MGAT1: variants seen among roughly 807,000 people sequenced by gnomAD.
MGAT1 encodes alpha-1,3-mannosyl-glycoprotein 2-beta-N-acetylglucosaminyltransferase.
MGAT1 carries 14 observed loss-of-function variants against 31.7 expected under a neutral mutation model. The ratio of observed to expected loss-of-function variants is 0.44; its 90% CI spans 0.29 to 0.69. The LOEUF (loss-of-function observed/expected upper bound fraction) is 0.69. Ranked by LOEUF, MGAT1 falls within the 30% of genes least tolerant of loss-of-function variation. MGAT1 has a pLI of 0.12. For missense variants in MGAT1, 557 were observed against 626.0 expected (o/e 0.89, Z 1.18); for synonymous variants, 338 against 276.0 (o/e 1.22, Z -2.23).
In MGAT1 at chr5:180,786,041, C is replaced by T. The variant is rs1354156525; in HGVS notation, c.*5593G>A. On this transcript the variant is annotated 3_prime_UTR_variant, in exon 2 of 2. Coordinates refer to ENST00000307826, the MANE Select transcript of MGAT1 (RefSeq NM_002406.4). Reference sequence around the variant, plus strand: ...TTCCATAAAGAATGAGGCTTGCCCTCCCTTCCCCTCTCCTGCTTCCTGGTA... The same window carrying T: ...TTCCATAAAGAATGAGGCTTGCCCTTCCTTCCCCTCTCCTGCTTCCTGGTA... 6.6e-6 allele frequency: 1 copy of T among 152,326 alleles called. No homozygotes were observed. Among genetic ancestry groups the T allele is most frequent in the Admixed American group, 6.5e-5 (1 of 15,292 alleles). The allele number at this position is 152,326 out of a possible 1,614,324, so 9.4% of individuals were successfully genotyped here. A position where few individuals can be genotyped will look rare whatever the true frequency, so the allele number is the denominator to read the frequency against.
At position 180,792,664 on chromosome 5, in the gene MGAT1, G is replaced by C; in HGVS notation, c.308C>G (p.Pro103Arg). 1 of 1,576,476 alleles carries C rather than the reference G, an allele frequency of 6.3e-7. No individual in the cohort carries two copies. The highest frequency in any genetic ancestry group is 2.3e-5 in the East Asian group (1 of 44,218). Reference protein sequence around the residue: ...AQPRVPVTPAPAVIPILVIAC... With the variant: ...AQPRVPVTPARAVIPILVIAC... ...GATGACCAGGATGGGAATCACCGCC[G>C]GCGCGGGGGTCACAGGCACACGCGG... is the stretch of plus-strand genomic sequence containing the variant. Residue 103 changes from proline (P) to arginine (R), a missense_variant, in exon 2 of 2, where the codon CCG (proline) becomes CGG (arginine). Physicochemically the swap from Pro to Arg is moderately radical, Grantham distance 103 (BLOSUM62 -2). Coordinates refer to ENST00000307826, the MANE Select transcript of MGAT1 (RefSeq NM_002406.4).
chr5:180,798,390 C>A (rs528499978), intron 1 of MGAT1, among the ~76,000 whole-genome samples: 1 of 152,268 alleles, frequency 6.6e-6, no homozygotes, highest in South Asian at 2.1e-4. Context: ...CGTGTCTCTG[C>A]CAAGATGCCT....
intron 1 of MGAT1, among the ~76,000 whole-genome samples, chr5:180,798,553 G>A (rs1304439678): frequency 6.6e-6 from 1 of 152,164 alleles, no homozygotes; most frequent in African/African-American, 2.4e-5. Context: ...CTGTGCTAGG[G>A]CTCTCAACAT....
Position 180,787,396 on chromosome 5 carries a change from G to C in MGAT1, c.*4238C>G, listed in dbSNP as rs1194875237. ...ACCTCTACAGAGGTCTCATCAGAAA[G>C]CCTGAAATCCCACGTTAGATATTTC... On this transcript the variant is annotated 3_prime_UTR_variant, in exon 2 of 2. Coordinates refer to ENST00000307826, the MANE Select transcript of MGAT1 (RefSeq NM_002406.4). 6.6e-6 allele frequency: 1 copy of C among 152,232 alleles called. No homozygotes were observed. Among genetic ancestry groups the C allele is most frequent in the Non-Finnish European group, 1.5e-5 (1 of 68,040 alleles). 9.4% of individuals were successfully genotyped at this position (152,232 alleles called of 1,614,324 possible).
In MGAT1 at chr5:180,792,073, C is replaced by T; in HGVS notation, c.899G>A (p.Gly300Glu). Residue 300 changes from glycine to glutamate, a missense_variant, in exon 2 of 2, where the codon GGG becomes GAG. Gly to Glu is a moderately conservative substitution (Grantham distance 98). Coordinates refer to ENST00000307826, the MANE Select transcript of MGAT1 (RefSeq NM_002406.4). ...DWMRRPEQRQ[G>E]RACIRPEISR... ...GATCTCAGGGCGTATGCAGGCCCGC[C>T]CCTGCCGCTGCTCCGGCCGCCGCAT... 1 of 1,613,152 alleles carries T rather than the reference C, an allele frequency of 6.2e-7. No individual in the cohort carries two copies. The highest frequency in any genetic ancestry group is 1.1e-5 in the South Asian group (1 of 91,090).
intron 1 of MGAT1, among the ~76,000 whole-genome samples, chr5:180,793,577 C>T (rs1768697544): frequency 6.6e-6 from 1 of 152,070 alleles, no homozygotes; most frequent in South Asian, 2.1e-4. Context: ...TAACATTTTG[C>T]TGGAGGAAGC....
In MGAT1 at chr5:180,789,226, A is replaced by C. The variant is rs183437444; in HGVS notation, c.*2408T>G. The C allele has an allele frequency of 1.3e-5, 2 of 152,258 alleles. No individual in the cohort carries two copies. Among genetic ancestry groups the C allele is most frequent in the African/African-American group, 2.4e-5 (1 of 41,472 alleles). The allele number at this position is 152,258 out of a possible 1,614,324, so 9.4% of individuals were successfully genotyped here. On this transcript the variant is annotated 3_prime_UTR_variant, in exon 2 of 2. Coordinates refer to ENST00000307826, the MANE Select transcript of MGAT1 (RefSeq NM_002406.4). The stretch of plus-strand genomic sequence containing the variant: ...CAGCTCCCCAGACAACTCTGCCACC[A>C]TCTGGTGTCGAGCTCCAAAGTAGTT...
rs1428438734 is a variant in MGAT1, at chr5:180,787,231, G to C, written c.*4403C>G. ...CCGGCCCAGGCCCACCGCACTCTAT[G>C]ACATCGGCCACCAGGCTGGTCTCCA... On this transcript the variant is annotated 3_prime_UTR_variant, in exon 2 of 2. Coordinates refer to ENST00000307826, the MANE Select transcript of MGAT1 (RefSeq NM_002406.4). 6.6e-6 allele frequency: 1 copy of C among 152,284 alleles called. No individual in the cohort carries two copies. The highest frequency in any genetic ancestry group is 1.5e-5 in the Non-Finnish European group (1 of 68,088). 9.4% of individuals were successfully genotyped at this position (152,284 alleles called of 1,614,324 possible).
intron 1 of MGAT1, among the ~76,000 whole-genome samples, chr5:180,801,968 G>A (rs933515606): frequency 3.9e-5 from 6 of 152,214 alleles, no homozygotes; most frequent in African/African-American, 1.4e-4. Flanking sequence ...TGGATGATGT[G>A]AGCACGTAAG....
At chr5:180,793,315 AAG>A (rs1768640534) in intron 1 of MGAT1, among the ~76,000 whole-genome samples, 1 of 152,114 alleles carries the variant, frequency 6.6e-6, no homozygotes, top group Non-Finnish European at 1.5e-5. Context: ...GAGAGAGAAA[AAG>A]AACCCCAACT....
chr5:180,787,678 C>G lies in MGAT1; in HGVS notation c.*3956G>C, dbSNP rs1767662939. ...TAGCTGGTATTTGTAAAGGGGTGCT[C>G]TGTATCTAACCCTCTAAATGCCCCC... On this transcript the variant is annotated 3_prime_UTR_variant, in exon 2 of 2. Transcript: ENST00000307826. 6.6e-6 allele frequency: 1 copy of G among 152,244 alleles called. No individual in the cohort carries two copies. Among genetic ancestry groups the G allele is most frequent in the Admixed American group, 6.5e-5 (1 of 15,284 alleles). The allele number at this position is 152,244 out of a possible 1,614,324, so 9.4% of individuals were successfully genotyped here.
intron 1 of MGAT1, among the ~76,000 whole-genome samples, chr5:180,800,374 A>T (rs1370732796): frequency 6.6e-6 from 1 of 152,238 alleles, no homozygotes; most frequent in African/African-American, 2.4e-5. Context: ...TGGACAGTGC[A>T]GCACAGAGGA....
At position 180,792,758 on chromosome 5, in the gene MGAT1, G is replaced by GCAGCCCACGCTGCCGCTC. The variant is rs1561824129; in HGVS notation, c.196_213dup (p.Glu66_Leu71dup). 6.5e-7 allele frequency: 1 copy of GCAGCCCACGCTGCCGCTC among 1,547,416 alleles called. No individual in the cohort carries two copies. The highest frequency in any genetic ancestry group is 8.7e-7 in the Non-Finnish European group (1 of 1,146,518). On this transcript the variant is annotated inframe_insertion, in exon 2 of 2. Coordinates refer to ENST00000307826, the MANE Select transcript of MGAT1 (RefSeq NM_002406.4). ...GACAGGGCATCCCCGATCTGCTGCAGCAGCCCACGCTGCCGCTCCAGCTCC... is the reference window on the plus strand; with the variant it reads ...GACAGGGCATCCCCGATCTGCTGCAGCAGCCCACGCTGCCGCTCCAGCCCACGCTGCCGCTCCAGCTCC...
chr5:180,799,771 CTA>C (rs1377329253), intron 1 of MGAT1, among the ~76,000 whole-genome samples: 1 of 152,214 alleles, frequency 6.6e-6, no homozygotes, highest in Admixed American at 6.5e-5. Flanking sequence ...AGCTGAGGGT[CTA>C]TGTTCCCTCC....
chr5:180,799,471 C>T (rs1770235856), intron 1 of MGAT1, among the ~76,000 whole-genome samples: 1 of 152,176 alleles, frequency 6.6e-6, no homozygotes, highest in Admixed American at 6.5e-5. Flanking sequence ...TGACTACACT[C>T]CCACAGCACT....
chr5:180,808,190 A>T (rs533119577), intron 2 of MGAT1, among the ~76,000 whole-genome samples: 5 of 152,258 alleles, frequency 3.3e-5, no homozygotes, highest in Non-Finnish European at 7.4e-5. Flanking sequence ...GTAGGAAGGG[A>T]GACAACTTAG....
rs577286064 is a variant in MGAT1, at chr5:180,788,949, A to T, written c.*2685T>A. On this transcript the variant is annotated 3_prime_UTR_variant, in exon 2 of 2. Coordinates refer to ENST00000307826, the MANE Select transcript of MGAT1 (RefSeq NM_002406.4). ...GCTATGCGCATGGAGCGTGGCGGCCAAACTCCTCCTGGCTCCACCGGAAAG... is the reference window on the plus strand; with the variant it reads ...GCTATGCGCATGGAGCGTGGCGGCCTAACTCCTCCTGGCTCCACCGGAAAG... 6.6e-5 allele frequency: 10 copies of T among 152,370 alleles called. No individual in the cohort carries two copies. The highest frequency in any genetic ancestry group is 2.4e-4 in the African/African-American group (10 of 41,580). The allele number at this position is 152,370 out of a possible 1,614,324, so 9.4% of individuals were successfully genotyped here.
chr5:180,806,422 A>G (rs1771879646), upstream of MGAT1, among the ~76,000 whole-genome samples: 1 of 152,196 alleles, frequency 6.6e-6, no homozygotes, highest in South Asian at 2.1e-4. Flanking sequence ...GGACTGTCTC[A>G]TGGAAGGGTC....
At position 180,811,417 on chromosome 5, in the gene MGAT1, A is replaced by G; in HGVS notation, c.-545-2351T>C. On this transcript the variant is annotated intron_variant, in intron 1 of 2. Coordinates refer to the MGAT1 transcript ENST00000333055. Reference sequence around the variant, plus strand: ...GGATATATTATTGCAAGGAAGAAGAAAATAAGACCCTTTCTTCCCCCACCT... The same window carrying G: ...GGATATATTATTGCAAGGAAGAAGAGAATAAGACCCTTTCTTCCCCCACCT... The G allele has an allele frequency of 1.3e-5, 2 of 152,208 alleles. 1 individual carries two copies. Among genetic ancestry groups the G allele is most frequent in the Admixed American group, 1.3e-4 (2 of 15,284 alleles). 9.4% of individuals were successfully genotyped at this position (152,208 alleles called of 1,614,324 possible).
Sources: gnomAD v4.1 joint callset for allele counts (sites outside exome capture counted in the v4.1 genomes callset) on GRCh38, gnomAD v4.1.1 for gene constraint, MANE v1.5 for transcripts, NCBI Gene and HGNC (gene_info 2026-07-23, HGNC 2026-07-21) for gene names.